Variants in CEP112 observed in about 807,000 individuals in gnomAD.
The protein encoded by CEP112 is centrosomal protein 112.
In CEP112, 127 loss-of-function variants were observed where a neutral mutation model predicts 153.0. The observed-to-expected ratio is 0.83, with a 90% CI of 0.72 to 0.96. The LOEUF is 0.96. CEP112 is among the 40% of genes least tolerant of loss of function. The pLI is 0.00. For synonymous variants in CEP112, 358 were observed against 374.4 expected (o/e 0.96, Z 0.51); for missense variants, 1,089 against 1,101.2 (o/e 0.99, Z 0.16).
intron 24 of CEP112, among the ~76,000 whole-genome samples, chr17:65,659,329 T>C (rs959966910): frequency 2.0e-5 from 3 of 152,206 alleles, no homozygotes; most frequent in Non-Finnish European, 4.4e-5. Flanking sequence ...CTACGACTGC[T>C]CTTTCTTTTC....
At chr17:65,650,914 C>T (rs1036171643) in intron 24 of CEP112, among the ~76,000 whole-genome samples, 4 of 151,308 alleles carry the variant, frequency 2.6e-5, no homozygotes, top group African/African-American at 9.7e-5. Flanking sequence ...TTCTCTCTTT[C>T]TCTATATATT....
intron 22 of CEP112, among the ~76,000 whole-genome samples, chr17:65,744,934 G>A (rs1203601751): frequency 6.6e-6 from 1 of 152,152 alleles, no homozygotes; most frequent in Non-Finnish European, 1.5e-5. Flanking sequence ...CAGAGGGGAG[G>A]GCAGTTGGTG....
At chr17:65,991,773 A>G (rs2063604970) in intron 17 of CEP112, among the ~76,000 whole-genome samples, 5 of 152,144 alleles carry the variant, frequency 3.3e-5, no homozygotes. Flanking sequence ...AAATATTACT[A>G]TTAATTTCTT....
At chr17:65,801,865 C>T (rs1890433647) in intron 21 of CEP112, among the ~76,000 whole-genome samples, 1 of 152,152 alleles carries the variant, frequency 6.6e-6, no homozygotes, top group South Asian at 2.1e-4. Context: ...TATTTTTCCC[C>T]CTGCCCACGG....
chr17:65,754,406 C>T (rs576864553), intron 21 of CEP112, among the ~76,000 whole-genome samples: 5 of 152,138 alleles, frequency 3.3e-5, no homozygotes, highest in Non-Finnish European at 4.4e-5. Flanking sequence ...GCCAGGAGTT[C>T]GAGACCAGCC....
At chr17:65,817,639 C>T (rs944361536) in intron 21 of CEP112, among the ~76,000 whole-genome samples, 3 of 151,872 alleles carry the variant, frequency 2.0e-5, no homozygotes, top group Non-Finnish European at 2.9e-5. Flanking sequence ...TTCATTAGAT[C>T]TCACAGGGTA....
At chr17:66,065,700 G>A (rs1449888619) in intron 10 of CEP112, among the ~76,000 whole-genome samples, 1 of 150,982 alleles carries the variant, frequency 6.6e-6, no homozygotes, top group Non-Finnish European at 1.5e-5. Flanking sequence ...CACGGTCTCG[G>A]CTCACTGCAA....
At chr17:65,777,095 T>C (rs1193260582) in intron 21 of CEP112, among the ~76,000 whole-genome samples, 2 of 152,190 alleles carry the variant, frequency 1.3e-5, no homozygotes, top group Non-Finnish European at 2.9e-5. Flanking sequence ...TGTGACCGCA[T>C]TTAGGTGGCA....
chr17:66,127,223 TAAAC>T (rs2146501344), intron 6 of CEP112, among the ~76,000 whole-genome samples: 1 of 152,320 alleles, frequency 6.6e-6, no homozygotes, highest in South Asian at 2.1e-4. Context: ...TCAGAACAGT[TAAAC>T]AACCGTGAAA....
intron 4 of CEP112, among the ~76,000 whole-genome samples, chr17:66,143,209 C>T (rs2070782177): frequency 6.6e-6 from 1 of 152,046 alleles, no homozygotes; most frequent in Non-Finnish European, 1.5e-5. Context: ...TTCATATGTC[C>T]AACATAGGAT....
At chr17:65,922,264 A>G (rs2060758845) in intron 19 of CEP112, among the ~76,000 whole-genome samples, 1 of 152,044 alleles carries the variant, frequency 6.6e-6, no homozygotes, top group African/African-American at 2.4e-5. Context: ...ACTTATTGGG[A>G]CATTAATGAT....
intron 24 of CEP112, among the ~76,000 whole-genome samples, chr17:65,668,189 C>T (rs1458577837): frequency 6.6e-6 from 1 of 152,226 alleles, no homozygotes; most frequent in African/African-American, 2.4e-5. Flanking sequence ...AGCCACTGCG[C>T]CCGGCCTCCT....
intron 17 of CEP112, among the ~76,000 whole-genome samples, chr17:66,004,453 T>C (rs2064189298): frequency 6.6e-6 from 1 of 152,150 alleles, no homozygotes; most frequent in African/African-American, 2.4e-5. Context: ...ATCGCACCAC[T>C]GCACTCCAGC....
At chr17:65,898,864 A>G (rs187481292) in intron 20 of CEP112, among the ~76,000 whole-genome samples, 3 of 152,236 alleles carry the variant, frequency 2.0e-5, no homozygotes, top group East Asian at 3.9e-4. Context: ...CTATGCAACA[A>G]TCTCTACGGT....
At chr17:66,067,706 C>T (rs1185416434) in intron 9 of CEP112, among the ~76,000 whole-genome samples, 3 of 151,974 alleles carry the variant, frequency 2.0e-5, no homozygotes, top group South Asian at 4.2e-4. Flanking sequence ...GAAAGAAATA[C>T]GTTATCTGAG....
At chr17:65,735,786 T>C (rs2050767409) in intron 23 of CEP112, among the ~76,000 whole-genome samples, 1 of 152,174 alleles carries the variant, frequency 6.6e-6, no homozygotes, top group Admixed American at 6.5e-5. Context: ...ATAGTAAAAA[T>C]GGAAAGTGAT....
At chr17:65,743,280 T>A (rs1268609665) in intron 22 of CEP112, 63 bp from the exon 23 acceptor site, 1 of 1,258,104 alleles carries the variant, frequency 7.9e-7, no homozygotes, top group Non-Finnish European at 1.1e-6. Flanking sequence ...ATTTTATATG[T>A]ATTGATGCTT....
rs142757707 is a variant in CEP112, at chr17:65,680,353, A to G, written c.2697+8776T>C. ...AGAAAAAGTCACTTAGAATATGTTT[A>G]GGAGGCCCAATACCAAGGGCCTGTG... is the stretch of plus-strand genomic sequence containing the variant. On this transcript the variant is annotated intron_variant, in intron 24 of 26. Coordinates refer to ENST00000535342, the MANE Select transcript of CEP112 (RefSeq NM_001199165.4). 1.7e-3 allele frequency among the ~76,000 whole-genome samples: 258 copies of G among 152,340 alleles called. 1 individual carries two copies. The highest frequency in any genetic ancestry group is 3.1e-3 in the African/African-American group (128 of 41,576).
intron 24 of CEP112, among the ~76,000 whole-genome samples, chr17:65,649,069 AACAAACACACAC>A (rs2045594875): frequency 2.4e-5 from 1 of 41,762 alleles, no homozygotes; most frequent in South Asian, 9.1e-4. Flanking sequence ...CAAACAAACA[AACAAACACACAC>A]ACACACACAC....
Sources: allele counts gnomAD v4.1 joint callset (sites outside exome capture counted in the v4.1 genomes callset), GRCh38; gene constraint gnomAD v4.1.1; transcripts MANE v1.5; gene names NCBI Gene and HGNC (gene_info 2026-07-23, HGNC 2026-07-21).